KCNT2: variants seen among roughly 807,000 people sequenced by gnomAD.
The protein encoded by KCNT2 is potassium sodium-activated channel subfamily T member 2.
A neutral mutation model predicts 153.8 loss-of-function variants in KCNT2; 67 were observed. That is an observed-to-expected ratio of 0.44 (90% confidence interval 0.36 to 0.53). KCNT2 has a LOEUF of 0.53. Among genes scored for constraint, KCNT2 ranks in the 20% least tolerant of loss-of-function variants. The pLI is 0.00. For missense variants in KCNT2, 975 were observed against 1,354.8 expected (o/e 0.72, Z 4.40); for synonymous variants, 500 against 458.8 (o/e 1.09, Z -1.15).
intron 2 of KCNT2, 66 bp from the exon 3 acceptor site, chr1:196,490,003 G>T: frequency 1.4e-6 from 1 of 700,738 alleles, no homozygotes. Flanking sequence ...AAAAAGAATT[G>T]TCAAAAATAT....
At chr1:196,508,119 T>C (rs1360274431) in intron 1 of KCNT2, among the ~76,000 whole-genome samples, 2 of 145,668 alleles carry the variant, frequency 1.4e-5, no homozygotes, top group Non-Finnish European at 3.0e-5. Flanking sequence ...ACAGAGGTGG[T>C]ATGGCTGAAC....
chr1:196,324,128 C>T (rs1572038888), intron 19 of KCNT2, among the ~76,000 whole-genome samples: 1 of 151,906 alleles, frequency 6.6e-6, no homozygotes, highest in African/African-American at 2.4e-5. Flanking sequence ...ACAGCGTGAA[C>T]TTTCAACCTA....
rs367992051 is a variant in KCNT2 at position 196,407,989 on chromosome 1, A to G, written c.1186-9318T>C. Among the ~76,000 whole-genome samples, 14 of 151,410 alleles carry G rather than the reference A, an allele frequency of 9.2e-5. No individual in the cohort carries two copies. In the South Asian group the frequency reaches 1.3e-3, roughly 14 times the overall value. On this transcript the variant is annotated intron_variant, in intron 12 of 27. Transcript: ENST00000294725. ...GGCCTCTGACCTCTCTTTACTTAGA[A>G]CGTTTATTTTAGAAAATTTTCCATT...
chr1:196,229,413 C>G (rs780166998), intron 27 of KCNT2, among the ~76,000 whole-genome samples: 24 of 152,048 alleles, frequency 1.6e-4, no homozygotes, highest in Non-Finnish European at 3.2e-4. Flanking sequence ...TCTGATCACT[C>G]CACCAACTGG....
chr1:196,340,807 TG>T (rs1553291609), intron 15 of KCNT2, among the ~76,000 whole-genome samples: 3 of 151,970 alleles, frequency 2.0e-5, no homozygotes, highest in Non-Finnish European at 4.4e-5. Context: ...ATAAGAAACA[TG>T]AGTGCATGTA....
intron 7 of KCNT2, 116 bp from the exon 8 acceptor site, chr1:196,465,503 TGTAAA>T (rs1230035355): frequency 1.7e-5 from 11 of 641,166 alleles, no homozygotes; most frequent in Non-Finnish European, 3.1e-5. Context: ...TACATACATA[TGTAAA>T]TACATGTATT....
At chr1:196,246,544 AT>A (rs766558525) in intron 26 of KCNT2, among the ~76,000 whole-genome samples, 10 of 152,184 alleles carry the variant, frequency 6.6e-5, no homozygotes, top group Non-Finnish European at 1.3e-4. Flanking sequence ...CTGATCAAAA[AT>A]AATAGCTACA....
At chr1:196,262,976 G>C (rs1657164081) in intron 25 of KCNT2, among the ~76,000 whole-genome samples, 1 of 152,066 alleles carries the variant, frequency 6.6e-6, no homozygotes, top group African/African-American at 2.4e-5. Context: ...TAAGAACCTA[G>C]TATTTAAACT....
intron 1 of KCNT2, among the ~76,000 whole-genome samples, chr1:196,585,664 G>C (rs896152272): frequency 2.6e-5 from 4 of 151,974 alleles, no homozygotes; most frequent in African/African-American, 9.7e-5. Flanking sequence ...GAGCAAGAAA[G>C]AGAATGGGAT....
At chr1:196,297,500 T>C (rs1469186807) in intron 22 of KCNT2, among the ~76,000 whole-genome samples, 1 of 152,150 alleles carries the variant, frequency 6.6e-6, no homozygotes, top group African/African-American at 2.4e-5. Flanking sequence ...GCTCATTATG[T>C]ACAATCACAA....
intron 1 of KCNT2, among the ~76,000 whole-genome samples, chr1:196,593,341 C>CACACACAT (rs869184066): frequency 1.4e-5 from 2 of 142,532 alleles, no homozygotes; most frequent in African/African-American, 5.1e-5. Flanking sequence ...CACACACACA[C>CACACACAT]ATATATATGT....
At chr1:196,518,963 C>T (rs895385220) in intron 1 of KCNT2, among the ~76,000 whole-genome samples, 9 of 152,122 alleles carry the variant, frequency 5.9e-5, no homozygotes, top group Admixed American at 2.0e-4. Context: ...CTACAGAACT[C>T]TCTACCCAAA....
At chr1:196,266,484 T>C (rs1001490588) in intron 25 of KCNT2, among the ~76,000 whole-genome samples, 2 of 152,194 alleles carry the variant, frequency 1.3e-5, no homozygotes, top group African/African-American at 4.8e-5. Flanking sequence ...TATCCCATAG[T>C]AGACATGGAT....
chr1:196,253,750 C>T (rs1488141942), intron 26 of KCNT2, among the ~76,000 whole-genome samples: 1 of 151,412 alleles, frequency 6.6e-6, no homozygotes, highest in African/African-American at 2.4e-5. Context: ...ATTTAGAAAG[C>T]TCTTTCTTTG....
intron 14 of KCNT2, among the ~76,000 whole-genome samples, chr1:196,347,610 T>TA (rs957208087): frequency 2.0e-5 from 3 of 152,322 alleles, no homozygotes; most frequent in African/African-American, 7.2e-5. Context: ...TTGAAAATGC[T>TA]AAAGGGCTTC....
chr1:196,458,046 A>T (rs1228765616), intron 8 of KCNT2, among the ~76,000 whole-genome samples: 1 of 151,968 alleles, frequency 6.6e-6, no homozygotes, highest in African/African-American at 2.4e-5. Flanking sequence ...ATACAATTTT[A>T]CATTTCATCT....
intron 26 of KCNT2, chr1:196,257,629 G>A: frequency 1.1e-6 from 1 of 941,544 alleles, no homozygotes; most frequent in African/African-American, 1.8e-5. Context: ...TGTCTATAGT[G>A]TCTATATGGC....
chr1:196,553,508 G>A (rs1438645616), intron 1 of KCNT2, among the ~76,000 whole-genome samples: 3 of 150,700 alleles, frequency 2.0e-5, no homozygotes, highest in African/African-American at 7.3e-5. Context: ...TATTACTAGA[G>A]CTAAAGGGAG....
intron 8 of KCNT2, among the ~76,000 whole-genome samples, chr1:196,432,408 G>A (rs745484978): frequency 6.6e-6 from 1 of 152,106 alleles, no homozygotes. Context: ...GAGAGCTGGA[G>A]ATGCTAGACC....
Sources: gnomAD v4.1 joint callset for allele counts (sites outside exome capture counted in the v4.1 genomes callset) on GRCh38, gnomAD v4.1.1 for gene constraint, MANE v1.5 for transcripts, NCBI Gene and HGNC (gene_info 2026-07-23, HGNC 2026-07-21) for gene names.